Variants in UNC5D observed in about 807,000 individuals in gnomAD.
UNC5D encodes unc-5 netrin receptor D, also known as netrin receptor UNC5D.
In UNC5D, 39 loss-of-function variants were observed where a neutral mutation model predicts 105.4. That is an observed-to-expected ratio of 0.37 (90% CI 0.29 to 0.48). The LOEUF is 0.48. Among genes scored for constraint, UNC5D ranks in the 20% least tolerant of loss-of-function variants. The pLI, the probability that UNC5D is intolerant of heterozygous loss-of-function variation, is 0.98. For synonymous variants in UNC5D, 452 were observed against 450.4 expected, an observed-to-expected ratio of 1.00 and a Z score of -0.04; for missense variants, 991 against 1,202.4, an observed-to-expected ratio of 0.82 and a Z score of 2.60.
At chr8:35,252,620 C>T (rs1803785440) in intron 1 of UNC5D, among the ~76,000 whole-genome samples, 1 of 152,056 alleles carries the variant, frequency 6.6e-6, no homozygotes. Flanking sequence ...GTACAATATT[C>T]AGTTGTGTGG....
chr8:35,594,109 C>T (rs1320552976), intron 3 of UNC5D, among the ~76,000 whole-genome samples: 1 of 152,146 alleles, frequency 6.6e-6, no homozygotes, highest in African/African-American at 2.4e-5. Context: ...ACTCAGGGGA[C>T]AGCAGAGAAA....
intron 1 of UNC5D, among the ~76,000 whole-genome samples, chr8:35,436,075 A>C (rs940312616): frequency 6.6e-6 from 1 of 152,052 alleles, no homozygotes; most frequent in African/African-American, 2.4e-5. Flanking sequence ...TATCAGAAAA[A>C]TAGATTATTC....
intron 1 of UNC5D, among the ~76,000 whole-genome samples, chr8:35,308,617 C>T (rs907160182): frequency 6.6e-6 from 1 of 152,028 alleles, no homozygotes; most frequent in African/African-American, 2.4e-5. Flanking sequence ...AACCAAAGCT[C>T]GATCAATATT....
At chr8:35,761,761 T>A (rs138824904) in intron 14 of UNC5D, among the ~76,000 whole-genome samples, 1 of 152,174 alleles carries the variant, frequency 6.6e-6, no homozygotes, top group Non-Finnish European at 1.5e-5. Flanking sequence ...CTTCTCATCA[T>A]TGAAATCCCT....
Position 35,522,964 on chromosome 8 carries a change from A to C in UNC5D, c.104-26328A>C, listed in dbSNP as rs1813592594. ...TAACAGTATTTGCCAATCAATGATT[A>C]TCTTTGATATCTAACAATATAATGA... On this transcript the variant is annotated intron_variant, in intron 1 of 16. Coordinates refer to ENST00000404895, the MANE Select transcript of UNC5D (RefSeq NM_080872.4). Among the ~76,000 whole-genome samples the C allele has an allele frequency of 2.0e-5, 3 of 152,198 alleles. No individual in the cohort carries two copies. The South Asian group carries it at 6.2e-4, about 31-fold the overall frequency.
chr8:35,785,340 A>T (rs928847079), intron 16 of UNC5D, among the ~76,000 whole-genome samples: 1 of 152,174 alleles, frequency 6.6e-6, no homozygotes, highest in East Asian at 1.9e-4. Context: ...TTTGAGAAGT[A>T]ACCTATTGCA....
At chr8:35,439,336 G>A (rs1290750379) in intron 1 of UNC5D, among the ~76,000 whole-genome samples, 1 of 151,942 alleles carries the variant, frequency 6.6e-6, no homozygotes, top group East Asian at 1.9e-4. Flanking sequence ...GATGTTCTCC[G>A]TTGACAGTTT....
intron 11 of UNC5D, among the ~76,000 whole-genome samples, chr8:35,744,366 G>C (rs1191909905): frequency 1.3e-5 from 2 of 152,108 alleles, no homozygotes; most frequent in East Asian, 3.8e-4. Flanking sequence ...AGATACTTTG[G>C]GAATGTGTAA....
At chr8:35,479,412 T>C (rs1331432493) in intron 1 of UNC5D, among the ~76,000 whole-genome samples, 1 of 152,150 alleles carries the variant, frequency 6.6e-6, no homozygotes, top group African/African-American at 2.4e-5. Flanking sequence ...AACTTAAAAA[T>C]AGATTTGTCC....
rs565753494 is a variant in UNC5D, at chr8:35,594,040, C to T, written c.467-1514C>T. ...TTCATCATACTTGGAGTCAGAAGTC[C>T]TGAATCAAACGGGCTGTGGCAATTT... On this transcript the variant is annotated intron_variant, in intron 3 of 16. Coordinates refer to ENST00000404895, the MANE Select transcript of UNC5D (RefSeq NM_080872.4). 5.9e-5 allele frequency among the ~76,000 whole-genome samples: 9 copies of T among 152,194 alleles called. No homozygotes were observed. The East Asian group carries it at 1.7e-3, about 29-fold the overall frequency.
intron 8 of UNC5D, among the ~76,000 whole-genome samples, chr8:35,712,963 G>A (rs1021244289): frequency 7.9e-5 from 12 of 151,904 alleles, no homozygotes; most frequent in African/African-American, 2.2e-4. Flanking sequence ...AGCACTTTCC[G>A]AAAATTGCCT....
chr8:35,575,873 G>T (rs976713565), intron 3 of UNC5D, among the ~76,000 whole-genome samples: 1 of 151,828 alleles, frequency 6.6e-6, no homozygotes, highest in Admixed American at 6.6e-5. Flanking sequence ...ATCGCATCTA[G>T]CCCGGTAAAA....
At chr8:35,327,603 C>T (rs762217762) in intron 1 of UNC5D, among the ~76,000 whole-genome samples, 51 of 152,234 alleles carry the variant, frequency 3.4e-4, no homozygotes, top group Admixed American at 5.9e-4. Context: ...TACAAATGTC[C>T]CCTTTCAACA....
At chr8:35,512,539 G>GTGTA (rs1487398679) in intron 1 of UNC5D, among the ~76,000 whole-genome samples, 4 of 40,272 alleles carry the variant, frequency 9.9e-5, no homozygotes, top group African/African-American at 4.0e-4. Context: ...AGATATGTAT[G>GTGTA]TATATATATA....
chr8:35,651,631 C>G (rs1259976804), intron 4 of UNC5D, among the ~76,000 whole-genome samples: 5 of 152,150 alleles, frequency 3.3e-5, no homozygotes, highest in East Asian at 1.9e-4. Flanking sequence ...CTCTCTTCCC[C>G]CACTAGAGAG....
chr8:35,261,127 T>G (rs940715893), intron 1 of UNC5D, among the ~76,000 whole-genome samples: 2 of 152,218 alleles, frequency 1.3e-5, no homozygotes, highest in Non-Finnish European at 2.9e-5. Flanking sequence ...CAATTAATTG[T>G]GAAACTATGT....
At chr8:35,369,752 C>T (rs375080969) in intron 1 of UNC5D, among the ~76,000 whole-genome samples, 3 of 152,132 alleles carry the variant, frequency 2.0e-5, no homozygotes, top group African/African-American at 7.2e-5. Context: ...TTTGTCTTTA[C>T]TTCCCCTGAG....
chr8:35,343,730 C>G (rs1035140154), intron 1 of UNC5D, among the ~76,000 whole-genome samples: 2 of 152,100 alleles, frequency 1.3e-5, no homozygotes, highest in African/African-American at 4.8e-5. Context: ...TTCTTCCAGC[C>G]ACAGGGCTTG....
chr8:35,742,125 G>T (rs925938388), intron 11 of UNC5D, among the ~76,000 whole-genome samples: 2 of 152,028 alleles, frequency 1.3e-5, no homozygotes, highest in Non-Finnish European at 1.5e-5. Flanking sequence ...CACAGTGTTG[G>T]GGTTGGCTGA....
Sources: gnomAD v4.1 joint callset for allele counts (sites outside exome capture counted in the v4.1 genomes callset) on GRCh38, gnomAD v4.1.1 for gene constraint, MANE v1.5 for transcripts, NCBI Gene and HGNC (gene_info 2026-07-23, HGNC 2026-07-21) for gene names.